Variants in TMEM117 observed in about 807,000 individuals in gnomAD.
TMEM117 encodes transmembrane protein 117.
TMEM117 carries 27 observed loss-of-function variants against 52.4 expected under a neutral mutation model. The observed-to-expected ratio is 0.51, with a 90% confidence interval of 0.38 to 0.71. TMEM117 has a LOEUF of 0.71. Among genes scored for constraint, TMEM117 ranks in the 30% least tolerant of loss-of-function variants. The probability of loss-of-function intolerance (pLI) is 0.00; values close to 1 mark genes in which losing one functional copy is unlikely to be tolerated. For synonymous variants in TMEM117, 215 were observed against 206.3 expected (o/e 1.04, Z -0.36); for missense variants, 556 against 630.5 (o/e 0.88, Z 1.26).
chr12:43,836,232 C>T (rs897271711), intron 1 of TMEM117, 36 bp downstream of exon 1: 2 of 152,426 alleles, frequency 1.3e-5, no homozygotes, highest in Admixed American at 1.3e-4. Context: ...GCGAGCCTCC[C>T]CAGCCGTTCG....
chr12:44,357,804 A>C (rs1167634786), intron 6 of TMEM117, among the ~76,000 whole-genome samples: 2 of 152,138 alleles, frequency 1.3e-5, no homozygotes, highest in Non-Finnish European at 2.9e-5. Context: ...TTTGACCCAG[A>C]AATTCCATTA....
chr12:43,805,128 T>C, the TMEM117 span, among the ~76,000 whole-genome samples: 2 of 152,238 alleles, frequency 1.3e-5, no homozygotes, highest in African/African-American at 4.8e-5. Flanking sequence ...TGAATAAATA[T>C]GTATTTAATA....
the TMEM117 span, chr12:43,799,582 C>A: frequency 3.0e-6 from 2 of 667,296 alleles, no homozygotes; most frequent in South Asian, 5.9e-5. Context: ...AAAACAAAAT[C>A]ATTAACAGAA....
At chr12:43,876,819 A>C (rs190938840) in intron 2 of TMEM117, among the ~76,000 whole-genome samples, 119 of 152,358 alleles carry the variant, frequency 7.8e-4, no homozygotes, top group Admixed American at 4.9e-3. Flanking sequence ...AATTATACTT[A>C]GTTTAAAATA....
chr12:44,065,327 G>A (rs958170066), intron 3 of TMEM117, among the ~76,000 whole-genome samples: 8 of 152,050 alleles, frequency 5.3e-5, no homozygotes, highest in African/African-American at 1.9e-4. Flanking sequence ...GGCGGAGGTT[G>A]CAGTGAGCCG....
chr12:44,122,221 T>A (rs1420847252), intron 3 of TMEM117, among the ~76,000 whole-genome samples: 1 of 151,994 alleles, frequency 6.6e-6, no homozygotes, highest in Non-Finnish European at 1.5e-5. Context: ...ATTTTTTGTA[T>A]TTTTAGTAGA....
intron 5 of TMEM117, among the ~76,000 whole-genome samples, chr12:44,253,623 A>G (rs1385080936): frequency 6.6e-6 from 1 of 152,132 alleles, no homozygotes; most frequent in Non-Finnish European, 1.5e-5. Flanking sequence ...CAGGTGAGCT[A>G]GTGCTCTCTA....
At chr12:44,090,432 T>C (rs1947646068) in intron 3 of TMEM117, among the ~76,000 whole-genome samples, 2 of 149,454 alleles carry the variant, frequency 1.3e-5, no homozygotes, top group South Asian at 4.2e-4. Context: ...ATTTATTTAT[T>C]TATTTATTTA....
At chr12:44,169,566 T>C (rs1440221761) in intron 4 of TMEM117, among the ~76,000 whole-genome samples, 1 of 152,198 alleles carries the variant, frequency 6.6e-6, no homozygotes, top group Non-Finnish European at 1.5e-5. Context: ...TGTTAAGTTT[T>C]AGGAGTTATT....
the TMEM117 span, among the ~76,000 whole-genome samples, chr12:43,819,199 A>G: frequency 1.3e-5 from 2 of 152,308 alleles, no homozygotes; most frequent in African/African-American, 4.8e-5. Flanking sequence ...TGTACTGTAG[A>G]CATAGTGTAT....
chr12:43,947,827 T>G (rs1945157525), intron 3 of TMEM117, among the ~76,000 whole-genome samples: 1 of 152,178 alleles, frequency 6.6e-6, no homozygotes, highest in Non-Finnish European at 1.5e-5. Context: ...CTTTCCAAAC[T>G]GGAGGAGTTC....
intron 6 of TMEM117, among the ~76,000 whole-genome samples, chr12:44,302,290 G>A (rs1950850516): frequency 6.6e-6 from 1 of 152,134 alleles, no homozygotes; most frequent in African/African-American, 2.4e-5. Context: ...CAGCCTCTGG[G>A]AGCTCTCTGA....
chr12:44,252,021 A>G (rs1372878883), intron 5 of TMEM117, among the ~76,000 whole-genome samples: 1 of 152,232 alleles, frequency 6.6e-6, no homozygotes, highest in Non-Finnish European at 1.5e-5. Context: ...GCTTTACAGC[A>G]TCTAGCTCAT....
At chr12:43,962,714 A>G (rs1945422667) in intron 3 of TMEM117, among the ~76,000 whole-genome samples, 1 of 152,084 alleles carries the variant, frequency 6.6e-6, no homozygotes, top group Non-Finnish European at 1.5e-5. Context: ...AGGTCAGGAG[A>G]TAGAGACCAT....
chr12:44,341,728 A>G (rs1466427259), intron 6 of TMEM117, among the ~76,000 whole-genome samples: 5 of 152,148 alleles, frequency 3.3e-5, no homozygotes, highest in Non-Finnish European at 7.4e-5. Context: ...GGATCCAAGC[A>G]TTTGATTGGG....
intron 3 of TMEM117, among the ~76,000 whole-genome samples, chr12:44,086,180 T>C (rs1326036146): frequency 6.6e-6 from 1 of 151,896 alleles, no homozygotes; most frequent in Non-Finnish European, 1.5e-5. Flanking sequence ...TTAAAATGCT[T>C]TGGCTTGGAG....
At chr12:44,173,739 A>G (rs867056141) in intron 4 of TMEM117, among the ~76,000 whole-genome samples, 5 of 152,078 alleles carry the variant, frequency 3.3e-5, no homozygotes, top group Middle Eastern at 3.4e-3. Flanking sequence ...ATTTGATTGC[A>G]ATATTATGTA....
At chr12:44,079,038 G>T (rs1009447830) in intron 3 of TMEM117, among the ~76,000 whole-genome samples, 1 of 152,044 alleles carries the variant, frequency 6.6e-6, no homozygotes, top group Non-Finnish European at 1.5e-5. Context: ...CAAAGGACAT[G>T]AACTCATCCT....
intron 3 of TMEM117, among the ~76,000 whole-genome samples, chr12:43,963,512 T>C (rs1250238453): frequency 6.6e-6 from 1 of 152,218 alleles, no homozygotes; most frequent in Non-Finnish European, 1.5e-5. Flanking sequence ...TGGGATGCTG[T>C]CAAGTTAATA....
Sources: allele counts gnomAD v4.1 joint callset (sites outside exome capture counted in the v4.1 genomes callset), GRCh38; gene constraint gnomAD v4.1.1; transcripts MANE v1.5; gene names NCBI Gene and HGNC (gene_info 2026-07-23, HGNC 2026-07-21).